ATG10: variants seen among roughly 807,000 people sequenced by gnomAD.
ATG10 encodes ubiquitin-like-conjugating enzyme ATG10.
Under a neutral mutation model 32.1 loss-of-function variants are expected in ATG10, and 30 were observed. The ratio of observed to expected loss-of-function variants is 0.94; its 90% CI spans 0.70 to 1.27. The LOEUF is 1.27. Ranked by LOEUF, ATG10 falls within the 50% of genes most tolerant of loss-of-function variation. The probability of loss-of-function intolerance (pLI) is 0.00; values close to 1 mark genes in which losing one functional copy is unlikely to be tolerated. For synonymous variants in ATG10, 87 were observed against 91.5 expected (o/e 0.95, Z 0.28); for missense variants, 233 against 262.3 (o/e 0.89, Z 0.77).
At chr5:82,011,304 A>G (rs1762121789) in intron 2 of ATG10, among the ~76,000 whole-genome samples, 1 of 152,094 alleles carries the variant, frequency 6.6e-6, no homozygotes, top group Non-Finnish European at 1.5e-5. Flanking sequence ...TCATTACATC[A>G]ATTTATTCCA....
rs73134717 is a variant in ATG10, at chr5:82,007,270, C to T, written c.108+19592C>T. ...TATTAGATGATGACTTCTTGAATTA[C>T]ATAGCCTCGTTCTATTAGGAGATTA... On this transcript the variant is annotated intron_variant, in intron 2 of 7. Transcript: ENST00000282185. Among the ~76,000 whole-genome samples the T allele has an allele frequency of 5.6e-3, 857 of 152,280 alleles. 13 individuals are homozygous for T. Among genetic ancestry groups the T allele is most frequent in the African/African-American group, 0.019 (802 of 41,558 alleles).
chr5:82,210,236 T>C (rs1278058157), intron 5 of ATG10, among the ~76,000 whole-genome samples: 1 of 152,164 alleles, frequency 6.6e-6, no homozygotes, highest in Non-Finnish European at 1.5e-5. Context: ...ATATAAAAAA[T>C]TTACAGAGAT....
chr5:82,139,096 G>C (rs1298918688), intron 3 of ATG10, among the ~76,000 whole-genome samples: 1 of 146,862 alleles, frequency 6.8e-6, no homozygotes, highest in Non-Finnish European at 1.5e-5. Flanking sequence ...CGCCAACCTC[G>C]GCCTCCCGAG....
intron 2 of ATG10, among the ~76,000 whole-genome samples, chr5:82,042,280 T>C (rs941124850): frequency 6.6e-6 from 1 of 152,242 alleles, no homozygotes; most frequent in African/African-American, 2.4e-5. Flanking sequence ...AAGGGGGAAC[T>C]GCCACACACT....
chr5:81,986,342 C>T (rs767092591), intron 1 of ATG10, among the ~76,000 whole-genome samples: 6 of 152,162 alleles, frequency 3.9e-5, no homozygotes, highest in African/African-American at 9.7e-5. Context: ...GAGTCAGTGT[C>T]GATTAATCTG....
chr5:82,030,926 C>T (rs10474046), intron 2 of ATG10, among the ~76,000 whole-genome samples: 2,261 of 152,014 alleles, frequency 0.015, 41 homozygotes, highest in African/African-American at 0.051. Context: ...TAGGTATCAT[C>T]TCATTTTTGC....
intron 1 of ATG10, among the ~76,000 whole-genome samples, chr5:81,974,541 A>G (rs1760816030): frequency 6.6e-6 from 1 of 152,198 alleles, no homozygotes; most frequent in Non-Finnish European, 1.5e-5. Flanking sequence ...TTCTGAGCTC[A>G]AGAACCTACA....
chr5:82,017,079 C>A (rs1296196647), intron 2 of ATG10, among the ~76,000 whole-genome samples: 1 of 151,994 alleles, frequency 6.6e-6, no homozygotes, highest in Admixed American at 6.6e-5. Context: ...TATGATTTAT[C>A]TCAGCAGTGT....
At chr5:82,218,371 A>C (rs1250446396) in intron 5 of ATG10, among the ~76,000 whole-genome samples, 2 of 152,046 alleles carry the variant, frequency 1.3e-5, no homozygotes, top group Non-Finnish European at 2.9e-5. Flanking sequence ...AATAACCTTA[A>C]ATTCATATGT....
intron 5 of ATG10, among the ~76,000 whole-genome samples, chr5:82,218,393 C>G (rs772209710): frequency 2.6e-5 from 4 of 152,136 alleles, no homozygotes; most frequent in Non-Finnish European, 4.4e-5. Flanking sequence ...TTACTTTCAT[C>G]CTAGGGAGTT....
Position 82,002,561 on chromosome 5 carries a change from A to G in ATG10, c.108+14883A>G, listed in dbSNP as rs755500585. ...ACAGGAACAGAAAACCAAATACTAC[A>G]TGTTCTCACTTATAAGTAGGGGCTA... On this transcript the variant is annotated intron_variant, in intron 2 of 7. Transcript: ENST00000282185. Among the ~76,000 whole-genome samples, 165 of 152,180 alleles carry G rather than the reference A, an allele frequency of 1.1e-3. 1 individual carries two copies. The highest frequency in any genetic ancestry group is 2.7e-3 in the Admixed American group (42 of 15,286).
intron 5 of ATG10, among the ~76,000 whole-genome samples, chr5:82,241,425 T>C (rs1303261293): frequency 6.6e-6 from 1 of 152,128 alleles, no homozygotes; most frequent in African/African-American, 2.4e-5. Flanking sequence ...TTCCAAACTC[T>C]CCCCATCACA....
intron 3 of ATG10, among the ~76,000 whole-genome samples, chr5:82,104,951 T>C (rs1319220716): frequency 2.0e-5 from 3 of 152,176 alleles, no homozygotes; most frequent in African/African-American, 7.2e-5. Flanking sequence ...AAATGTAACA[T>C]AGTTGAATTG....
At chr5:82,059,458 C>T (rs1763702250) in intron 3 of ATG10, among the ~76,000 whole-genome samples, 1 of 149,976 alleles carries the variant, frequency 6.7e-6, no homozygotes, top group Admixed American at 6.7e-5. Context: ...CTTTCCATGT[C>T]AGTAAATGCA....
At chr5:82,115,284 A>G (rs577634823) in intron 3 of ATG10, among the ~76,000 whole-genome samples, 1 of 152,182 alleles carries the variant, frequency 6.6e-6, no homozygotes, top group Admixed American at 6.6e-5. Flanking sequence ...TAGGTGTGAT[A>G]TCAATAGATT....
At chr5:82,049,159 C>A (rs1301426856) in intron 2 of ATG10, among the ~76,000 whole-genome samples, 3 of 151,374 alleles carry the variant, frequency 2.0e-5, no homozygotes, top group Non-Finnish European at 4.4e-5. Context: ...AAATGTCCAA[C>A]AATGATAGAC....
chr5:82,130,713 G>C (rs1251966269), intron 3 of ATG10, among the ~76,000 whole-genome samples: 1 of 152,086 alleles, frequency 6.6e-6, no homozygotes, highest in African/African-American at 2.4e-5. Context: ...AGCCGGGCAC[G>C]TCAGTTGGAA....
At chr5:82,233,892 T>TA (rs906691075) in intron 5 of ATG10, among the ~76,000 whole-genome samples, 18 of 152,228 alleles carry the variant, frequency 1.2e-4, no homozygotes, top group Non-Finnish European at 4.4e-5. Flanking sequence ...TTTTAGTTTT[T>TA]ACGTGCCCTT....
At chr5:82,063,981 TA>T (rs1413972330) in intron 3 of ATG10, among the ~76,000 whole-genome samples, 1 of 152,128 alleles carries the variant, frequency 6.6e-6, no homozygotes, top group African/African-American at 2.4e-5. Context: ...ACTGAAAAGT[TA>T]AAAAAATTGA....
Sources: allele counts gnomAD v4.1 joint callset (sites outside exome capture counted in the v4.1 genomes callset), GRCh38; gene constraint gnomAD v4.1.1; transcripts MANE v1.5; gene names NCBI Gene and HGNC (gene_info 2026-07-23, HGNC 2026-07-21).